Variants in CTNNA3 observed in about 807,000 individuals in gnomAD.
CTNNA3 encodes catenin alpha 3.
CTNNA3 carries 76 observed loss-of-function variants against 95.7 expected under a neutral mutation model. The observed-to-expected ratio is 0.79, with a 90% confidence interval of 0.66 to 0.96. CTNNA3 has a LOEUF of 0.96. Ranked by LOEUF, CTNNA3 falls within the 40% of genes least tolerant of loss-of-function variation. The pLI, the probability that CTNNA3 is intolerant of heterozygous loss-of-function variation, is 0.00. For synonymous variants in CTNNA3, 431 were observed against 374.4 expected, an observed-to-expected ratio of 1.15 and a Z score of -1.74; for missense variants, 1,191 against 1,089.8, an observed-to-expected ratio of 1.09 and a Z score of -1.31.
chr10:66,688,947 G>A (rs910530432), intron 9 of CTNNA3, among the ~76,000 whole-genome samples: 2 of 143,798 alleles, frequency 1.4e-5, no homozygotes, highest in Non-Finnish European at 3.0e-5. Flanking sequence ...CTGGGCCACA[G>A]AGCAAGACTC....
At chr10:67,470,440 T>C (rs879467631) in intron 5 of CTNNA3, among the ~76,000 whole-genome samples, 1 of 152,218 alleles carries the variant, frequency 6.6e-6, no homozygotes, top group African/African-American at 2.4e-5. Context: ...AACATACTGA[T>C]TTCCTACAAA....
intron 12 of CTNNA3, among the ~76,000 whole-genome samples, chr10:66,346,193 T>C (rs1232389461): frequency 1.4e-5 from 2 of 146,222 alleles, no homozygotes; most frequent in African/African-American, 5.1e-5. Context: ...TTAAATTGAA[T>C]AGTAAGTATG....
intron 1 of CTNNA3, among the ~76,000 whole-genome samples, chr10:67,751,634 A>G (rs1589589355): frequency 6.6e-6 from 1 of 152,198 alleles, no homozygotes; most frequent in African/African-American, 2.4e-5. Context: ...TGAAGGAGAT[A>G]TCATCAATGA....
At chr10:66,634,926 T>C (rs1036910835) in intron 9 of CTNNA3, among the ~76,000 whole-genome samples, 2 of 152,114 alleles carry the variant, frequency 1.3e-5, no homozygotes, top group Non-Finnish European at 2.9e-5. Context: ...TTCCAATAAA[T>C]TATGAGAAAT....
At chr10:67,196,030 G>C (rs1863355633) in intron 6 of CTNNA3, among the ~76,000 whole-genome samples, 1 of 151,998 alleles carries the variant, frequency 6.6e-6, no homozygotes, top group Non-Finnish European at 1.5e-5. Context: ...GAGAGCAGCA[G>C]AAATAATAAG....
intron 14 of CTNNA3, among the ~76,000 whole-genome samples, chr10:66,088,588 C>T (rs1031150614): frequency 2.0e-5 from 3 of 150,132 alleles, no homozygotes; most frequent in Non-Finnish European, 3.0e-5. Flanking sequence ...GGCAAACATT[C>T]TAGAAGACAA....
intron 12 of CTNNA3, among the ~76,000 whole-genome samples, chr10:66,345,682 T>C (rs1042335069): frequency 6.6e-6 from 1 of 152,128 alleles, no homozygotes. Flanking sequence ...GAATTCTTCA[T>C]GATATAGCAA....
intron 15 of CTNNA3, among the ~76,000 whole-genome samples, chr10:66,037,886 G>A (rs553687421): frequency 6.6e-6 from 1 of 151,846 alleles, no homozygotes; most frequent in African/African-American, 2.4e-5. Context: ...ATTTGTAATT[G>A]CTATTTTTAT....
intron 1 of CTNNA3, among the ~76,000 whole-genome samples, chr10:67,661,604 G>A (rs965769062): frequency 1.1e-4 from 16 of 152,174 alleles, no homozygotes; most frequent in East Asian, 1.9e-4. Context: ...AACCATAGAC[G>A]GGGACAAAGT....
chr10:66,364,121 T>C (rs1277646022), intron 12 of CTNNA3, among the ~76,000 whole-genome samples: 1 of 151,680 alleles, frequency 6.6e-6, no homozygotes, highest in Non-Finnish European at 1.5e-5. Flanking sequence ...TTAGTCTTTA[T>C]GTACTTCTCT....
Position 67,268,308 on chromosome 10 carries a change from A to ATAAATTAAATTAAATTAAAT in CTNNA3, c.580-48458_580-48439dup, listed in dbSNP as rs200272425. Among the ~76,000 whole-genome samples, 97 of 126,932 alleles carry ATAAATTAAATTAAATTAAAT rather than the reference A, an allele frequency of 7.6e-4. 1 individual carries two copies. Among genetic ancestry groups the ATAAATTAAATTAAATTAAAT allele is most frequent in the African/African-American group, 3.3e-3 (86 of 26,288 alleles). 83.3% of individuals were successfully genotyped at this position (126,932 alleles called of 152,430 possible). A position where few individuals can be genotyped will look rare whatever the true frequency, so the allele number is the denominator to read the frequency against. ...TAGAAAGACTCCCATCTCTACAAAA[A>ATAAATTAAATTAAATTAAAT]TAAATTAAATTAAATTAAATTAAAT... On this transcript the variant is annotated intron_variant, in intron 5 of 17. Coordinates refer to ENST00000433211, the MANE Select transcript of CTNNA3 (RefSeq NM_013266.4).
At chr10:67,467,639 T>C (rs1847647167) in intron 5 of CTNNA3, among the ~76,000 whole-genome samples, 1 of 152,114 alleles carries the variant, frequency 6.6e-6, no homozygotes, top group Non-Finnish European at 1.5e-5. Flanking sequence ...GGCTCTATGG[T>C]TGACTCTCTA....
At chr10:66,117,081 T>C (rs866154079) in intron 13 of CTNNA3, among the ~76,000 whole-genome samples, 5 of 152,120 alleles carry the variant, frequency 3.3e-5, no homozygotes, top group Admixed American at 6.6e-5. Flanking sequence ...GTGGCAGAAA[T>C]CAGATCTGTG....
At chr10:66,460,696 C>G (rs918201622) in intron 11 of CTNNA3, among the ~76,000 whole-genome samples, 1 of 152,068 alleles carries the variant, frequency 6.6e-6, no homozygotes, top group Non-Finnish European at 1.5e-5. Context: ...GCATGGAATC[C>G]CATAAAATCT....
chr10:66,715,102 G>C (rs1848410582), intron 9 of CTNNA3, among the ~76,000 whole-genome samples: 1 of 152,026 alleles, frequency 6.6e-6, no homozygotes. Context: ...TCCAGATCAA[G>C]CTCAAATGTC....
intron 5 of CTNNA3, among the ~76,000 whole-genome samples, chr10:67,237,129 T>TATATACACC (rs1865512008): frequency 4.3e-5 from 1 of 23,260 alleles, no homozygotes; most frequent in East Asian, 1.4e-3. Context: ...GGTGTATGTA[T>TATATACACC]ATATATATAT....
intron 7 of CTNNA3, among the ~76,000 whole-genome samples, chr10:66,986,381 C>G (rs1405098847): frequency 6.6e-6 from 1 of 152,098 alleles, no homozygotes; most frequent in Non-Finnish European, 1.5e-5. Flanking sequence ...CCTATAGTCC[C>G]AGCTACTCTG....
At chr10:66,288,833 G>T (rs2091633409) in intron 12 of CTNNA3, among the ~76,000 whole-genome samples, 1 of 152,106 alleles carries the variant, frequency 6.6e-6, no homozygotes, top group Non-Finnish European at 1.5e-5. Flanking sequence ...AAACCCTAAA[G>T]AAACCCTCTC....
chr10:67,572,284 T>C (rs1190842758), intron 3 of CTNNA3, among the ~76,000 whole-genome samples: 1 of 152,112 alleles, frequency 6.6e-6, no homozygotes, highest in African/African-American at 2.4e-5. Context: ...TCACATTAGC[T>C]TTTCTACTGG....
Sources: allele counts gnomAD v4.1 joint callset (sites outside exome capture counted in the v4.1 genomes callset), GRCh38; gene constraint gnomAD v4.1.1; transcripts MANE v1.5; gene names NCBI Gene and HGNC (gene_info 2026-07-23, HGNC 2026-07-21).